RNF4: variants seen among roughly 807,000 people sequenced by gnomAD.
RNF4 encodes the protein E3 ubiquitin-protein ligase RNF4.
RNF4 carries 7 observed loss-of-function variants against 24.3 expected under a neutral mutation model. The ratio of observed to expected loss-of-function variants is 0.29; its 90% CI spans 0.16 to 0.54. The LOEUF is 0.54. Ranked by LOEUF, RNF4 falls within the 20% of genes least tolerant of loss-of-function variation. The pLI is 0.95. For missense variants in RNF4, 209 were observed against 248.5 expected (o/e 0.84, Z 1.07); for synonymous variants, 83 against 84.3 (o/e 0.98, Z 0.09).
At chr4:2,479,465 A>G (rs914479837) in intron 1 of RNF4, among the ~76,000 whole-genome samples, 3 of 152,062 alleles carry the variant, frequency 2.0e-5, no homozygotes, top group Admixed American at 2.0e-4. Context: ...GGTGGGAGGT[A>G]ATTGAATCAT....
At position 2,497,002 on chromosome 4, in the gene RNF4, C is replaced by T. The variant is rs1339919004; in HGVS notation, c.10-5C>T. ...TGTGACTCTTCTTTCCCCCTTGCTACTCAGAGAAAGCGTCGTGGTGGAGCA... is the reference window on the plus strand; with the variant it reads ...TGTGACTCTTCTTTCCCCCTTGCTATTCAGAGAAAGCGTCGTGGTGGAGCA... On this transcript the variant is annotated splice_region_variant and splice_polypyrimidine_tract_variant and intron_variant, in intron 2 of 7. Transcript: ENST00000314289. The T allele has an allele frequency of 1.9e-6, 3 of 1,590,460 alleles. No individual in the cohort carries two copies. Among genetic ancestry groups the T allele is most frequent in the African/African-American group, 2.7e-5 (2 of 74,534 alleles).
rs1553878799 is a variant in RNF4, at chr4:2,497,004, C to CA, written c.10-2dup. 1 of 1,592,550 alleles carries CA rather than the reference C, an allele frequency of 6.3e-7. No individual in the cohort carries two copies. On this transcript the variant is annotated splice_region_variant and splice_polypyrimidine_tract_variant and intron_variant, in intron 2 of 7. Transcript: ENST00000314289. Reference sequence around the variant, plus strand: ...TGACTCTTCTTTCCCCCTTGCTACTCAGAGAAAGCGTCGTGGTGGAGCAAT... The same window carrying CA: ...TGACTCTTCTTTCCCCCTTGCTACTCAAGAGAAAGCGTCGTGGTGGAGCAAT...
rs2108761390 is a variant in RNF4 at position 2,490,491 on chromosome 4, A to G, written c.-3A>G. 3 of 1,612,520 alleles carry G rather than the reference A, an allele frequency of 1.9e-6. No homozygotes were observed. The East Asian group carries it at 6.7e-5, about 36-fold the overall frequency. ...TAGGAAAGGAAAGGCACCAAAGAGC[A>G]CAATGAGTACAGTAAGTTTTATCAT... On this transcript the variant is annotated 5_prime_UTR_variant, in exon 2 of 8. Transcript: ENST00000314289.
In RNF4 at chr4:2,512,674, C is replaced by A; in HGVS notation, c.374+77C>A. ...GGCATGGGAATACTTTTCAGCAAATCTGTGAGCCCTTGGCCCTGGAAGGGC... is the reference window on the plus strand; with the variant it reads ...GGCATGGGAATACTTTTCAGCAAATATGTGAGCCCTTGGCCCTGGAAGGGC... On this transcript the variant is annotated intron_variant, in intron 6 of 7. Coordinates refer to ENST00000314289, the MANE Select transcript of RNF4 (RefSeq NM_002938.5). This position sits in a 1 kb window ranked among gnomAD's most constrained non-coding sequence, Gnocchi z 4.1. 1 of 1,535,118 alleles carries A rather than the reference C, an allele frequency of 6.5e-7. No homozygotes were observed. Among genetic ancestry groups the A allele is most frequent in the South Asian group, 1.2e-5 (1 of 81,006 alleles).
intron 1 of RNF4, among the ~76,000 whole-genome samples, chr4:2,474,164 A>C (rs1367570722): frequency 6.6e-6 from 1 of 152,000 alleles, no homozygotes; most frequent in African/African-American, 2.4e-5. Context: ...TCACGAGGTC[A>C]GGAGATTGAA....
chr4:2,492,092 A>G (rs761604088), intron 2 of RNF4, among the ~76,000 whole-genome samples: 2 of 151,846 alleles, frequency 1.3e-5, no homozygotes, highest in Non-Finnish European at 2.9e-5. Flanking sequence ...CCAGCTACTC[A>G]GGAGGCTGAG....
chr4:2,505,933 C>CTTG (rs1736087821), intron 4 of RNF4: 1 of 151,524 alleles, frequency 6.6e-6, no homozygotes, highest in Admixed American at 6.6e-5. Context: ...AACTCCTGAC[C>CTTG]TCAAGTGATC....
intron 1 of RNF4, among the ~76,000 whole-genome samples, chr4:2,484,067 T>TTCCCCTC (rs113878655): frequency 7.5e-5 from 1 of 13,248 alleles, no homozygotes; most frequent in African/African-American, 3.3e-4. Context: ...CCTCAGGTGA[T>TTCCCCTC]CCCCCCCCGC....
chr4:2,475,029 A>AAAAAAG (rs1735025718), intron 1 of RNF4, among the ~76,000 whole-genome samples: 1 of 152,170 alleles, frequency 6.6e-6, no homozygotes, highest in South Asian at 2.1e-4. Flanking sequence ...CTCCATCTCA[A>AAAAAAG]AAAAAGAAAA....
intron 3 of RNF4, among the ~76,000 whole-genome samples, chr4:2,499,576 C>T (rs561506902): frequency 6.7e-6 from 1 of 149,166 alleles, no homozygotes; most frequent in Non-Finnish European, 1.5e-5. Context: ...GTGCCTGGCC[C>T]ATTCCGTGCT....
chr4:2,512,332 G>T lies in RNF4; in HGVS notation c.215-106G>T, dbSNP rs1736291764. 1.5e-6 allele frequency: 2 copies of T among 1,322,950 alleles called. No homozygotes were observed. Among genetic ancestry groups the T allele is most frequent in the East Asian group, 2.5e-5 (1 of 39,880 alleles). The allele number at this position is 1,322,950 out of a possible 1,614,324, so 82.0% of individuals were successfully genotyped here. ...GCATGGCAGCAGTTTGTCTCTGGGG[G>T]TCCCAGGCAGGGAAGGAAGAGGGTC... On this transcript the variant is annotated intron_variant, in intron 5 of 7. Coordinates refer to ENST00000314289, the MANE Select transcript of RNF4 (RefSeq NM_002938.5). The surrounding 1 kb of genome is among the most constrained non-coding windows in gnomAD (Gnocchi z 4.1).
At chr4:2,491,101 T>C (rs902272604) in intron 2 of RNF4, among the ~76,000 whole-genome samples, 4 of 152,230 alleles carry the variant, frequency 2.6e-5, no homozygotes, top group Non-Finnish European at 5.9e-5. Flanking sequence ...CCCAGTTTTC[T>C]GTTTTCCCGT....
At chr4:2,479,039 G>A (rs540135865) in intron 1 of RNF4, among the ~76,000 whole-genome samples, 121 of 152,350 alleles carry the variant, frequency 7.9e-4, no homozygotes, top group Non-Finnish European at 1.1e-3. Context: ...TTGGATCAGC[G>A]TGACCTGGAT....
intron 4 of RNF4, among the ~76,000 whole-genome samples, chr4:2,503,392 A>C (rs1266801670): frequency 6.6e-6 from 1 of 152,074 alleles, no homozygotes; most frequent in Non-Finnish European, 1.5e-5. Flanking sequence ...TGGAAAGTGG[A>C]TGGGTGGCCA....
chr4:2,476,051 C>T (rs192165189), intron 1 of RNF4, among the ~76,000 whole-genome samples: 1 of 152,152 alleles, frequency 6.6e-6, no homozygotes, highest in African/African-American at 2.4e-5. Flanking sequence ...TGATAATTAT[C>T]CTCAAGAAAA....
intron 4 of RNF4, among the ~76,000 whole-genome samples, chr4:2,502,860 AAAAG>A (rs1244504084): frequency 6.7e-6 from 1 of 149,800 alleles, no homozygotes; most frequent in African/African-American, 2.5e-5. Flanking sequence ...AAAAAAAAAG[AAAAG>A]AAAAGAAACA....
chr4:2,512,664 T>C lies in RNF4; in HGVS notation c.374+67T>C. The C allele has an allele frequency of 3.2e-6, 5 of 1,568,432 alleles. No individual in the cohort carries two copies. The highest frequency in any genetic ancestry group is 4.3e-6 in the Non-Finnish European group (5 of 1,154,432). ...GTGGGGCCAGGGCATGGGAATACTT[T>C]TCAGCAAATCTGTGAGCCCTTGGCC... is the stretch of plus-strand genomic sequence containing the variant. On this transcript the variant is annotated intron_variant, in intron 6 of 7. Coordinates refer to ENST00000314289, the MANE Select transcript of RNF4 (RefSeq NM_002938.5). This position sits in a 1 kb window ranked among gnomAD's most constrained non-coding sequence, Gnocchi z 4.1.
intron 1 of RNF4, among the ~76,000 whole-genome samples, chr4:2,478,063 G>C (rs1252985705): frequency 6.6e-6 from 1 of 152,296 alleles, no homozygotes; most frequent in East Asian, 1.9e-4. Context: ...TTGGGAACTG[G>C]AGCAAGGGTC....
At chr4:2,492,012 C>G (rs1317719967) in intron 2 of RNF4, among the ~76,000 whole-genome samples, 1 of 151,780 alleles carries the variant, frequency 6.6e-6, no homozygotes, top group Non-Finnish European at 1.5e-5. Context: ...TCCTGGCTAA[C>G]ACGGTGAAAC....
Sources: allele counts gnomAD v4.1 joint callset (sites outside exome capture counted in the v4.1 genomes callset), GRCh38; gene constraint gnomAD v4.1.1; non-coding constraint Gnocchi (gnomAD v3.1); transcripts MANE v1.5; gene names NCBI Gene and HGNC (gene_info 2026-07-23, HGNC 2026-07-21).